The following AGBL4 variants were observed in gnomAD, a reference collection of about 807,000 sequenced individuals.
AGBL4 encodes the protein cytosolic carboxypeptidase 6.
AGBL4 carries 58 observed loss-of-function variants against 66.4 expected under a neutral mutation model. The ratio of observed to expected loss-of-function variants is 0.87; its 90% CI spans 0.71 to 1.09. The LOEUF is 1.09. Ranked by LOEUF, AGBL4 falls within the 50% of genes least tolerant of loss-of-function variation. The pLI, the probability that AGBL4 is intolerant of heterozygous loss-of-function variation, is 0.00. For synonymous variants in AGBL4, 234 were observed against 222.9 expected, an observed-to-expected ratio of 1.05 and a Z score of -0.44; for missense variants, 579 against 631.0, an observed-to-expected ratio of 0.92 and a Z score of 0.88.
At chr1:49,843,167 C>T (rs544289575) in intron 2 of AGBL4, among the ~76,000 whole-genome samples, 1 of 152,208 alleles carries the variant, frequency 6.6e-6, no homozygotes, top group South Asian at 2.1e-4. Context: ...TGCTCTCTTG[C>T]CCAGGCTAGA....
At chr1:49,726,603 C>T (rs1308035554) in intron 2 of AGBL4, among the ~76,000 whole-genome samples, 1 of 152,094 alleles carries the variant, frequency 6.6e-6, no homozygotes, top group Non-Finnish European at 1.5e-5. Context: ...AAGGTCAGGA[C>T]TTTCTGAGTT....
chr1:49,919,980 A>C (rs1440797868), intron 1 of AGBL4, among the ~76,000 whole-genome samples: 29 of 150,274 alleles, frequency 1.9e-4, no homozygotes, highest in African/African-American at 4.7e-4. Context: ...CAAAAACAAG[A>C]AATGGGGAAA....
At chr1:49,767,234 A>T (rs921574970) in intron 2 of AGBL4, among the ~76,000 whole-genome samples, 1 of 152,180 alleles carries the variant, frequency 6.6e-6, no homozygotes, top group Non-Finnish European at 1.5e-5. Context: ...AAATTAAAAA[A>T]AAATAAAAGT....
chr1:48,604,081 C>T (rs1057279109), intron 9 of AGBL4, among the ~76,000 whole-genome samples: 2 of 152,026 alleles, frequency 1.3e-5, no homozygotes, highest in East Asian at 1.9e-4. Flanking sequence ...TGCAGTGAGC[C>T]GAGTTGGCAC....
intron 3 of AGBL4, among the ~76,000 whole-genome samples, chr1:49,566,864 T>G (rs1451762011): frequency 6.6e-6 from 1 of 152,198 alleles, no homozygotes; most frequent in East Asian, 1.9e-4. Flanking sequence ...GTTATTGCTG[T>G]CTTTTGTTTG....
intron 3 of AGBL4, among the ~76,000 whole-genome samples, chr1:49,434,683 A>AGTG (rs1281756367): frequency 3.0e-4 from 43 of 141,654 alleles, no homozygotes; most frequent in African/African-American, 9.3e-4. Flanking sequence ...TAGTGGTGGT[A>AGTG]GTGGTGGTGG....
chr1:49,674,467 T>G (rs1646541401), intron 3 of AGBL4, among the ~76,000 whole-genome samples: 1 of 150,600 alleles, frequency 6.6e-6, no homozygotes, highest in African/African-American at 2.4e-5. Flanking sequence ...TACACAAAAC[T>G]TGGCCCAGAG....
intron 2 of AGBL4, among the ~76,000 whole-genome samples, chr1:49,780,484 C>T (rs963558787): frequency 6.6e-6 from 1 of 151,936 alleles, no homozygotes; most frequent in African/African-American, 2.4e-5. Flanking sequence ...TTTACTTTCT[C>T]TTCTCAGCTT....
chr1:49,288,183 G>C lies in AGBL4; in HGVS notation c.283-42319C>G, dbSNP rs1334625349. 6.1e-5 allele frequency among the ~76,000 whole-genome samples: 8 copies of C among 132,068 alleles called. No homozygotes were observed. The East Asian group carries it at 1.9e-3, about 31-fold the overall frequency. The allele number at this position is 132,068 out of a possible 152,430, so 86.6% of individuals were successfully genotyped here. On this transcript the variant is annotated intron_variant, in intron 3 of 13. Coordinates refer to ENST00000371839, the MANE Select transcript of AGBL4 (RefSeq NM_032785.4). ...GAACAATGAGATCACATGGACACAG[G>C]AAGGGGAATATCACACTCTGGGGAC...
At chr1:49,926,878 A>G (rs1652830986) in intron 1 of AGBL4, among the ~76,000 whole-genome samples, 1 of 152,150 alleles carries the variant, frequency 6.6e-6, no homozygotes, top group Non-Finnish European at 1.5e-5. Context: ...ATATATATAA[A>G]GGGAGTTTAT....
intron 2 of AGBL4, among the ~76,000 whole-genome samples, chr1:49,811,006 T>C (rs1645089096): frequency 6.6e-6 from 1 of 152,176 alleles, no homozygotes. Flanking sequence ...ACTTAGTTAC[T>C]TTTCTACTTA....
rs181297841 is a variant in AGBL4, at chr1:49,013,183, G to A, written c.594+32401C>T. Among the ~76,000 whole-genome samples, 299 of 152,340 alleles carry A rather than the reference G, an allele frequency of 2.0e-3. 3 individuals carry two copies. In the East Asian group the frequency reaches 0.031, roughly 16 times the overall value. On this transcript the variant is annotated intron_variant, in intron 5 of 13. Transcript: ENST00000371839. ...AACAGGAAACAGAATAAGACAGTGAGCATGACAGCAAATAACCAAAGAGAT... is the reference window on the plus strand; with the variant it reads ...AACAGGAAACAGAATAAGACAGTGAACATGACAGCAAATAACCAAAGAGAT...
At chr1:49,096,780 G>A (rs1645113261) in intron 4 of AGBL4, among the ~76,000 whole-genome samples, 1 of 151,718 alleles carries the variant, frequency 6.6e-6, no homozygotes, top group Non-Finnish European at 1.5e-5. Context: ...CATGGCACAT[G>A]TATACATATG....
In AGBL4 at chr1:49,466,780, G is replaced by C. The variant is rs552722008; in HGVS notation, c.283-220916C>G. ...TGGGTTCGTATCCTCATTACAGAAAGACTTAATTACTTCTGACTAAATCTG... is the reference window on the plus strand; with the variant it reads ...TGGGTTCGTATCCTCATTACAGAAACACTTAATTACTTCTGACTAAATCTG... On this transcript the variant is annotated intron_variant, in intron 3 of 13. Transcript: ENST00000371839. 1.4e-4 allele frequency among the ~76,000 whole-genome samples: 21 copies of C among 151,844 alleles called. No homozygotes were observed. The East Asian group carries it at 2.7e-3, about 20-fold the overall frequency.
intron 1 of AGBL4, among the ~76,000 whole-genome samples, chr1:49,909,401 T>C (rs1394927396): frequency 1.3e-5 from 2 of 152,090 alleles, no homozygotes; most frequent in Non-Finnish European, 2.9e-5. Context: ...TGAGGGTGAT[T>C]TGAGTAGAAA....
intron 3 of AGBL4, among the ~76,000 whole-genome samples, chr1:49,414,305 T>C (rs1484193436): frequency 2.0e-5 from 3 of 152,248 alleles, no homozygotes; most frequent in Admixed American, 6.5e-5. Context: ...GGGAAATACA[T>C]GAGAAAAAAT....
intron 9 of AGBL4, among the ~76,000 whole-genome samples, chr1:48,631,182 A>C (rs1464665085): frequency 6.6e-6 from 1 of 152,164 alleles, no homozygotes; most frequent in Non-Finnish European, 1.5e-5. Flanking sequence ...GGCAGTTCAG[A>C]TAGTTCAGGG....
intron 6 of AGBL4, among the ~76,000 whole-genome samples, chr1:48,825,239 G>A (rs1273947527): frequency 2.0e-5 from 3 of 152,120 alleles, no homozygotes; most frequent in African/African-American, 4.8e-5. Context: ...GAAAGATTCC[G>A]ATTTTAGCGC....
At chr1:49,931,374 A>G (rs1227203868) in intron 1 of AGBL4, among the ~76,000 whole-genome samples, 2 of 152,162 alleles carry the variant, frequency 1.3e-5, no homozygotes, top group East Asian at 1.9e-4. Context: ...ATAAACAAAG[A>G]AGGTTTAATT....
Sources: gnomAD v4.1 joint callset for allele counts (sites outside exome capture counted in the v4.1 genomes callset) on GRCh38, gnomAD v4.1.1 for gene constraint, MANE v1.5 for transcripts, NCBI Gene and HGNC (gene_info 2026-07-23, HGNC 2026-07-21) for gene names.